The following MARCHF1 variants were observed in gnomAD, a reference collection of about 807,000 sequenced individuals.
The protein encoded by MARCHF1 is E3 ubiquitin-protein ligase MARCHF1.
Under a neutral mutation model 54.2 loss-of-function variants are expected in MARCHF1, and 40 were observed. The ratio of observed to expected loss-of-function variants is 0.74; its 90% CI spans 0.57 to 0.96. The LOEUF (loss-of-function observed/expected upper bound fraction) is 0.96, where lower values mean the gene tolerates loss of function less well. Ranked by LOEUF, MARCHF1 falls within the 40% of genes least tolerant of loss-of-function variation. The pLI is 0.00. For missense variants in MARCHF1, 586 were observed against 656.5 expected (o/e 0.89, Z 1.17); for synonymous variants, 236 against 236.3 (o/e 1.00, Z 0.01).
chr4:163,980,803 G>C (rs970361529), intron 3 of MARCHF1, among the ~76,000 whole-genome samples: 1 of 152,254 alleles, frequency 6.6e-6, no homozygotes, highest in East Asian at 1.9e-4. Flanking sequence ...AATTTTTAAA[G>C]GTTTGTAAAA....
At chr4:163,602,403 T>C (rs1287472383) in intron 7 of MARCHF1, among the ~76,000 whole-genome samples, 1 of 152,120 alleles carries the variant, frequency 6.6e-6, no homozygotes, top group Non-Finnish European at 1.5e-5. Context: ...ATTTTTCTCA[T>C]TTTATGATCC....
At position 163,531,735 on chromosome 4, in the gene MARCHF1, C is replaced by A. The variant is rs138449745; in HGVS notation, c.1340-2689G>T. Among the ~76,000 whole-genome samples the A allele has an allele frequency of 1.8e-4, 28 of 151,514 alleles. No individual in the cohort carries two copies. In the East Asian group the frequency reaches 5.4e-3, roughly 29 times the overall value. On this transcript the variant is annotated intron_variant, in intron 9 of 9. Transcript: ENST00000514618. The stretch of plus-strand genomic sequence containing the variant: ...TAAATAGGTGATTATGACAATGTTG[C>A]AGGATACAAAGTTTTACAAAAAGTC...
rs945224809 is a variant in MARCHF1 at position 163,535,032 on chromosome 4, GTAA to G, written c.1340-5989_1340-5987del. Among the ~76,000 whole-genome samples, 15 of 151,948 alleles carry G rather than the reference GTAA, an allele frequency of 9.9e-5. 1 individual carries two copies. The highest frequency in any genetic ancestry group is 8.5e-4 in the Admixed American group (13 of 15,246). On this transcript the variant is annotated intron_variant, in intron 9 of 9. Coordinates refer to ENST00000514618, the MANE Select transcript of MARCHF1 (RefSeq NM_001394959.1). Reference sequence around the variant, plus strand: ...TAGACAAATATAATACTTTAAAGTAGTAATAATAATTTTTGACCATTAGTGCAA... The same window carrying G: ...TAGACAAATATAATACTTTAAAGTAGTAATAATTTTTGACCATTAGTGCAA...
At chr4:163,808,571 T>G (rs528974448) in intron 4 of MARCHF1, among the ~76,000 whole-genome samples, 1 of 152,210 alleles carries the variant, frequency 6.6e-6, no homozygotes, top group Non-Finnish European at 1.5e-5. Context: ...TGTATTTTAT[T>G]TTTATTTTAT....
intron 2 of MARCHF1, among the ~76,000 whole-genome samples, chr4:164,042,656 A>G (rs1362356132): frequency 6.6e-6 from 1 of 152,128 alleles, no homozygotes; most frequent in Non-Finnish European, 1.5e-5. Flanking sequence ...GCAAAATACA[A>G]TTACCCTTCT....
intron 3 of MARCHF1, among the ~76,000 whole-genome samples, chr4:163,980,556 G>A (rs1177371989): frequency 6.6e-6 from 1 of 152,066 alleles, no homozygotes; most frequent in Non-Finnish European, 1.5e-5. Flanking sequence ...ACAGCAAAAG[G>A]GGCCCTTTAA....
At chr4:163,568,151 G>T (rs1176854188) in intron 8 of MARCHF1, among the ~76,000 whole-genome samples, 1 of 151,894 alleles carries the variant, frequency 6.6e-6, no homozygotes, top group Non-Finnish European at 1.5e-5. Context: ...TAAGTGTATG[G>T]CTACATTGGA....
intron 2 of MARCHF1, among the ~76,000 whole-genome samples, chr4:164,043,482 C>A (rs2111024989): frequency 6.6e-6 from 1 of 152,232 alleles, no homozygotes; most frequent in African/African-American, 2.4e-5. Context: ...AAAACATGTC[C>A]TGAGGCTGAA....
intron 8 of MARCHF1, among the ~76,000 whole-genome samples, chr4:163,571,969 C>T (rs1739854703): frequency 6.6e-6 from 1 of 152,118 alleles, no homozygotes; most frequent in Non-Finnish European, 1.5e-5. Flanking sequence ...ATCTGGCTTC[C>T]AGTCACTTTT....
intron 1 of MARCHF1, among the ~76,000 whole-genome samples, chr4:164,226,422 G>A (rs1201333945): frequency 6.6e-6 from 1 of 151,770 alleles, no homozygotes; most frequent in Non-Finnish European, 1.5e-5. Context: ...TTGGGGAGTA[G>A]ACCAAAGACA....
intron 1 of MARCHF1, among the ~76,000 whole-genome samples, chr4:164,241,692 T>C (rs1010422150): frequency 2.0e-5 from 3 of 152,060 alleles, no homozygotes; most frequent in Admixed American, 1.3e-4. Flanking sequence ...AGACGGGTGA[T>C]TTCTGCATTT....
intron 1 of MARCHF1, among the ~76,000 whole-genome samples, chr4:164,119,942 A>G (rs1277251189): frequency 6.6e-6 from 1 of 152,080 alleles, no homozygotes; most frequent in East Asian, 1.9e-4. Flanking sequence ...AATAGTATTT[A>G]AATTGTTCCT....
rs1486431462 is a variant in MARCHF1 at position 164,176,964 on chromosome 4, CTCTCTCTCTCTCTCTCTATATATA to C, written c.-322-65326_-322-65303del. 1.9e-4 allele frequency among the ~76,000 whole-genome samples: 9 copies of C among 47,728 alleles called. 1 individual carries two copies. The highest frequency in any genetic ancestry group is 8.8e-4 in the African/African-American group (8 of 9,102). 31.3% of individuals were successfully genotyped at this position (47,728 alleles called of 152,430 possible). ...GCGCTCTCTCTCTCTCTCTCTCTCT[CTCTCTCTCTCTCTCTCTATATATA>C]TATATATATATATATATATATACAA... On this transcript the variant is annotated intron_variant, in intron 1 of 9. Transcript: ENST00000514618.
intron 5 of MARCHF1, among the ~76,000 whole-genome samples, chr4:163,663,659 A>C (rs2111107217): frequency 6.6e-6 from 1 of 152,196 alleles, no homozygotes; most frequent in South Asian, 2.1e-4. Flanking sequence ...TGGCAGGGCT[A>C]AGGCCACGTC....
At chr4:164,160,979 T>C (rs895286519) in intron 1 of MARCHF1, among the ~76,000 whole-genome samples, 1 of 152,164 alleles carries the variant, frequency 6.6e-6, no homozygotes, top group South Asian at 2.1e-4. Context: ...ACATGATAGT[T>C]TTTGATACCA....
At chr4:164,031,881 G>C (rs1260038963) in intron 2 of MARCHF1, among the ~76,000 whole-genome samples, 2 of 151,170 alleles carry the variant, frequency 1.3e-5, no homozygotes, top group African/African-American at 4.9e-5. Context: ...CTTTTCAATT[G>C]TTTGGAAAAA....
intron 2 of MARCHF1, among the ~76,000 whole-genome samples, chr4:164,021,295 C>T (rs907308524): frequency 2.0e-5 from 3 of 152,098 alleles, no homozygotes; most frequent in African/African-American, 7.2e-5. Context: ...ATCTCTCTTC[C>T]AGGATTTTAT....
intron 1 of MARCHF1, among the ~76,000 whole-genome samples, chr4:164,187,141 GA>G (rs1473001207): frequency 1.3e-5 from 2 of 151,956 alleles, no homozygotes; most frequent in African/African-American, 4.8e-5. Flanking sequence ...TAGTCTCCAA[GA>G]ATTTGGTATT....
rs1730211217 is a variant in MARCHF1, at chr4:164,349,377, A to T, written c.-323+34493T>A. Reference sequence around the variant, plus strand: ...TCTCATCTCCAACAGTATTGTTAAAATAAGACATAATAATATGAAACCATC... The same window carrying T: ...TCTCATCTCCAACAGTATTGTTAAATTAAGACATAATAATATGAAACCATC... On this transcript the variant is annotated intron_variant, in intron 1 of 9. Transcript: ENST00000514618. Among the ~76,000 whole-genome samples the T allele has an allele frequency of 2.0e-5, 3 of 152,220 alleles. No individual in the cohort carries two copies. The South Asian group carries it at 6.2e-4, about 31-fold the overall frequency.
Sources: allele counts gnomAD v4.1 joint callset (sites outside exome capture counted in the v4.1 genomes callset), GRCh38; gene constraint gnomAD v4.1.1; transcripts MANE v1.5; gene names NCBI Gene and HGNC (gene_info 2026-07-23, HGNC 2026-07-21).